Variants in PLEC observed in about 807,000 individuals in gnomAD.
The protein encoded by PLEC is hemidesmosomal protein 1.
A neutral mutation model predicts 392.8 loss-of-function variants in PLEC; 216 were observed. The observed-to-expected ratio is 0.55, with a 90% CI of 0.49 to 0.62. The LOEUF (loss-of-function observed/expected upper bound fraction) is 0.62, where lower values mean the gene tolerates loss of function less well. Among genes scored for constraint, PLEC ranks in the 20% least tolerant of loss-of-function variants. The pLI is 0.00. For synonymous variants in PLEC, 3,621 were observed against 2,980.6 expected (o/e 1.21, Z -7.00); for missense variants, 6,863 against 6,563.4 (o/e 1.05, Z -1.58).
Position 143,973,365 on chromosome 8 carries a change from A to C in PLEC, c.70+38T>G, listed in dbSNP as rs1554744901. 1 of 1,550,910 alleles carries C rather than the reference A, an allele frequency of 6.4e-7. No homozygotes were observed. The highest frequency in any genetic ancestry group is 1.4e-5 in the African/African-American group (1 of 71,838). On this transcript the variant is annotated intron_variant, in intron 1 of 31. Coordinates refer to the PLEC transcript ENST00000356346. The surrounding 1 kb of genome is among the most constrained non-coding windows in gnomAD (Gnocchi z 5.6). ...CAAGGTGCTCGGCGGCTGGGCTGTCAGGAGCGGCCCGACAGGCAGCGGGAC... is the reference window on the plus strand; with the variant it reads ...CAAGGTGCTCGGCGGCTGGGCTGTCCGGAGCGGCCCGACAGGCAGCGGGAC...
intron 1 of PLEC, among the ~76,000 whole-genome samples, chr8:143,967,440 T>C (rs979426342): frequency 2.0e-5 from 3 of 149,344 alleles, no homozygotes; most frequent in Admixed American, 1.3e-4. Context: ...GACCCATCCA[T>C]GGTGTGCCCA....
In PLEC at chr8:143,923,938, C is replaced by G; in HGVS notation, c.5991G>C (p.Glu1997Asp). 6.3e-7 allele frequency: 1 copy of G among 1,594,384 alleles called. No homozygotes were observed. Among genetic ancestry groups the G allele is most frequent in the Non-Finnish European group, 8.5e-7 (1 of 1,177,872 alleles). Residue 1997 changes from glutamate to aspartate, a missense_variant, in exon 31 of 32, where the codon GAG becomes GAC. Physicochemically the swap from Glu to Asp is conservative, Grantham distance 45. Transcript: ENST00000345136. ...EERVQKSLAA[E>D]EEAARQRKAA... ...CCTTCCGCTGCCGTGCGGCCTCCTC[C>G]TCGGCCGCCAGGCTCTTCTGCACGC... is the stretch of plus-strand genomic sequence containing the variant.
At position 143,930,212 on chromosome 8, in the gene PLEC, C is replaced by G. The variant is rs199938048; in HGVS notation, c.2544G>C (p.Glu848Asp). The change falls in exon 21 of 32, where the codon GAG (glutamate) becomes GAC (aspartate). Residue 848 changes from glutamate to aspartate, a missense_variant. Glu to Asp is a conservative substitution (Grantham distance 45). Transcript: ENST00000345136. ...GGAAGCACACGGAGGGCACGGCGGC[C>G]TCGCTGCCGGAGCTGCTGAGCACCT... is the stretch of plus-strand genomic sequence containing the variant. ...HWKVLSSSGS[E>D]AAVPSVCFLV... 6.3e-7 allele frequency: 1 copy of G among 1,583,056 alleles called. No homozygotes were observed. Among genetic ancestry groups the G allele is most frequent in the African/African-American group, 1.3e-5 (1 of 74,728 alleles).
intron 19 of PLEC, 148 bp downstream of exon 19, chr8:143,931,386 T>G: frequency 4.9e-6 from 3 of 612,120 alleles, no homozygotes; most frequent in Non-Finnish European, 8.3e-6. Context: ...TCCTGCCTCA[T>G]TCCCGCTTCG....
Position 143,923,768 on chromosome 8 carries a change from T to G in PLEC, c.6161A>C (p.His2054Pro). ...CTCCTTCTGCTGCACCGCGAAGGCGTGTGCCTTCTCTTCCGCCTGCAGCCG... is the reference window on the plus strand; with the variant it reads ...CTCCTTCTGCTGCACCGCGAAGGCGGGTGCCTTCTCTTCCGCCTGCAGCCG... The part of the protein sequence containing the change: ...QKRLQAEEKA[H>P]AFAVQQKEQE... The change falls in exon 31 of 32, where the codon CAC (histidine) becomes CCC (proline). Residue 2054 changes from histidine to proline, a missense_variant. His to Pro is a moderately conservative substitution (Grantham distance 77). Transcript: ENST00000345136. 6.4e-7 allele frequency: 1 copy of G among 1,566,388 alleles called. No homozygotes were observed. The highest frequency in any genetic ancestry group is 8.6e-7 in the Non-Finnish European group (1 of 1,163,910).
upstream of PLEC, among the ~76,000 whole-genome samples, chr8:143,976,458 C>A (rs1197678766): frequency 1.3e-5 from 2 of 152,126 alleles, no homozygotes; most frequent in African/African-American, 2.4e-5. Context: ...TGCAGCCCCC[C>A]GCCCGGAGCC....
upstream of PLEC, chr8:143,973,542 G>C (rs1380956577): frequency 1.7e-6 from 2 of 1,148,466 alleles, no homozygotes; most frequent in Admixed American, 5.0e-5. The surrounding 1 kb of genome is among the most constrained non-coding windows in gnomAD (Gnocchi z 5.6). Context: ...CCCCGCGGCC[G>C]CGCGCGCCGC....
In PLEC at chr8:143,924,310, C is replaced by T. The variant is rs2131387286; in HGVS notation, c.5619G>A (p.Glu1873=). The T allele has an allele frequency of 1.9e-6, 3 of 1,595,248 alleles. No individual in the cohort carries two copies. The highest frequency in any genetic ancestry group is 1.1e-5 in the South Asian group (1 of 90,748). The part of the protein sequence containing the change: ...NERLRRLAED[E]AFQRRRLEEQ... ...CCTCCAGCCGCCGCCGCTGGAAGGC[C>T]TCGTCCTCCGCCAGCCGCCGCAGGC... The change falls in exon 31 of 32, where the codon GAG becomes GAA. Residue 1873 remains glutamate (E), a synonymous_variant. Coordinates refer to ENST00000345136, the MANE Select transcript of PLEC (RefSeq NM_201384.3).
rs782650102 is a variant in PLEC at position 143,929,731 on chromosome 8, G to A, written c.2838C>T (p.Phe946=). The change falls in exon 23 of 32, where the codon TTC becomes TTT. Residue 946 remains phenylalanine, a synonymous_variant. Transcript: ENST00000345136. ...CAGCCATCAGCCGGTCCTCGGGTCC[G>A]AAGCCGCCCGCGTCCTGGCTGTCCC... ...FLRDSQDAGG[F]GPEDRLMAER... is the part of the protein sequence containing the mutation. 21 of 1,599,232 alleles carry A rather than the reference G, an allele frequency of 1.3e-5. No homozygotes were observed. The highest frequency in any genetic ancestry group is 2.2e-5 in the East Asian group (1 of 44,804).
chr8:143,928,824 C>T (rs1554709929), intron 25 of PLEC, among the ~76,000 whole-genome samples: 3 of 152,186 alleles, frequency 2.0e-5, no homozygotes, highest in Non-Finnish European at 2.9e-5. Context: ...ACAGCTTCCC[C>T]ACCTCACTCA....
chr8:143,952,672 C>A (rs547907643), upstream of PLEC, among the ~76,000 whole-genome samples: 4 of 152,178 alleles, frequency 2.6e-5, no homozygotes, highest in East Asian at 7.8e-4. Context: ...ACCCACGATA[C>A]CCACACTGTC....
Position 143,973,270 on chromosome 8 carries a change from C to T in PLEC, c.70+133G>A. On this transcript the variant is annotated intron_variant, in intron 1 of 31. Coordinates refer to the PLEC transcript ENST00000356346. The surrounding 1 kb of genome is among the most constrained non-coding windows in gnomAD (Gnocchi z 5.6). ...CCTAGGCACTGGCAGCCGTTGGGGG[C>T]GATCCAGGCGGACGAGGCCGGCGGA... The T allele has an allele frequency of 1.7e-5, 17 of 1,002,994 alleles. No individual in the cohort carries two copies. The highest frequency in any genetic ancestry group is 2.3e-5 in the Non-Finnish European group (17 of 724,926). The allele number at this position is 1,002,994 out of a possible 1,614,324, so 62.1% of individuals were successfully genotyped here.
In PLEC at chr8:143,927,767, C is replaced by T. The variant is rs1825756004; in HGVS notation, c.3400-1G>A. On this transcript the variant is annotated splice_acceptor_variant, in intron 26 of 31. Coordinates refer to ENST00000345136, the MANE Select transcript of PLEC (RefSeq NM_201384.3). LOFTEE classifies it high-confidence loss of function. ...GTGCCTCGGCCTGGGCCCGCAGCTT[C>T]TGTTGGGGACAGGAGGGACATGTGC... 1.9e-6 allele frequency: 3 copies of T among 1,600,874 alleles called. No individual in the cohort carries two copies. In the East Asian group the frequency reaches 6.8e-5, roughly 36 times the overall value.
At chr8:143,926,673 G>A (rs1040760107) in intron 30 of PLEC, 111 bp downstream of exon 30, 2 of 897,584 alleles carry the variant, frequency 2.2e-6, no homozygotes, top group Non-Finnish European at 1.9e-6. Context: ...CCAGTGGGGA[G>A]AGTGGGGAGG....
rs1554687523 is a variant in PLEC, at chr8:143,921,891, G to T, written c.7930C>A (p.His2644Asn). ...DGPAAEAEPE[H>N]SFDGLRRKVS... is the part of the protein sequence containing the mutation. ...TTCCGCCGCAGGCCATCGAAGCTGT[G>T]CTCCGGCTCTGCCTCTGCCGCGGGG... The change falls in exon 32 of 32, where the codon CAC becomes AAC. Residue 2644 changes from histidine to asparagine, a missense_variant. Coordinates refer to ENST00000345136, the MANE Select transcript of PLEC (RefSeq NM_201384.3). 1.2e-6 allele frequency: 2 copies of T among 1,600,916 alleles called. No homozygotes were observed. Among genetic ancestry groups the T allele is most frequent in the South Asian group, 2.2e-5 (2 of 91,032 alleles).
In PLEC at chr8:143,922,665, G is replaced by A. The variant is rs781946127; in HGVS notation, c.7264C>T (p.Leu2422Phe). 1.1e-5 allele frequency: 17 copies of A among 1,613,138 alleles called. No individual in the cohort carries two copies. Among genetic ancestry groups the A allele is most frequent in the Middle Eastern group, 1.7e-4 (1 of 6,016 alleles). ...EIGEKLHRTE[L>F]ATQEKVTLVQ... ...AGGGTCACCTTCTCCTGGGTGGCGA[G>A]CTCCGTGCGGTGCAGCTTCTCACCG... The change falls in exon 31 of 32, where the codon CTC becomes TTC. Residue 2422 changes from leucine (L) to phenylalanine (F), a missense_variant. Leu to Phe is a conservative substitution (Grantham distance 22, BLOSUM62 0). Transcript: ENST00000345136.
rs782633042 is a variant in PLEC at position 143,934,943 on chromosome 8, C to T, written c.826-14G>A. The stretch of plus-strand genomic sequence containing the variant: ...CAGCTGCAGCTCCTGCGGGCAGGCA[C>T]GGGCGGCTGTCAGGGGTCGTCGGGG... On this transcript the variant is annotated splice_polypyrimidine_tract_variant and intron_variant, in intron 8 of 31. Coordinates refer to ENST00000345136, the MANE Select transcript of PLEC (RefSeq NM_201384.3). The T allele has an allele frequency of 1.5e-5, 24 of 1,610,846 alleles. No individual in the cohort carries two copies. The highest frequency in any genetic ancestry group is 6.6e-5 in the South Asian group (6 of 91,028).
In PLEC at chr8:143,932,536, G is replaced by C; in HGVS notation, c.1841C>G (p.Ser614Cys). 1 of 1,612,620 alleles carries C rather than the reference G, an allele frequency of 6.2e-7. No individual in the cohort carries two copies. Among genetic ancestry groups the C allele is most frequent in the East Asian group, 2.2e-5 (1 of 44,868 alleles). Residue 614 changes from serine (S) to cysteine (C), a missense_variant, in exon 16 of 32, where the codon TCC becomes TGC. Coordinates refer to ENST00000345136, the MANE Select transcript of PLEC (RefSeq NM_201384.3). The stretch of plus-strand genomic sequence containing the variant: ...CACAAAGCTGTGCAAGCTCTCCAGG[G>C]ACCTGAGGCGGGCCTTGGAGGAGTT... ...LLNSSKARLRSLESLHSFVAA... is the reference protein window; with the variant it reads ...LLNSSKARLRCLESLHSFVAA...
In PLEC at chr8:143,921,857, G is replaced by A; in HGVS notation, c.7964C>T (p.Ala2655Val). ...GATGCCGGCCTCCTGCAGCCTCTGA[G>A]CTGACACCTTCCGCCGCAGGCCATC... ...SFDGLRRKVS[A>V]QRLQEAGILS... Residue 2655 changes from alanine (A) to valine (V), a missense_variant, in exon 32 of 32, where the codon GCT becomes GTT. Transcript: ENST00000345136. 1 of 1,604,468 alleles carries A rather than the reference G, an allele frequency of 6.2e-7. No individual in the cohort carries two copies. Among genetic ancestry groups the A allele is most frequent in the Non-Finnish European group, 8.5e-7 (1 of 1,179,742 alleles).
Sources: gnomAD v4.1 joint callset for allele counts (sites outside exome capture counted in the v4.1 genomes callset) on GRCh38, gnomAD v4.1.1 for gene constraint, Gnocchi (gnomAD v3.1) non-coding constraint, MANE v1.5 for transcripts, NCBI Gene and HGNC (gene_info 2026-07-23, HGNC 2026-07-21) for gene names.